The following FHL5 variants were observed in gnomAD, a reference collection of about 807,000 sequenced individuals.
FHL5 encodes the protein four and a half LIM domains protein 5.
In FHL5, 33 loss-of-function variants were observed where a neutral mutation model predicts 32.0. The ratio of observed to expected loss-of-function variants is 1.03; its 90% CI spans 0.78 to 1.38. FHL5 has a LOEUF of 1.38. Ranked by LOEUF, FHL5 falls within the 40% of genes most tolerant of loss-of-function variation. The pLI is 0.00. For missense variants in FHL5, 336 were observed against 343.9 expected (o/e 0.98, Z 0.18); for synonymous variants, 114 against 113.6 (o/e 1.00, Z -0.02).
At chr6:96,580,836 T>A (rs111662418) in intron 1 of FHL5, among the ~76,000 whole-genome samples, 75 of 152,210 alleles carry the variant, frequency 4.9e-4, no homozygotes, top group African/African-American at 1.8e-3. Context: ...ATAGATTTTT[T>A]AAAACTGCTT....
intron 5 of FHL5, among the ~76,000 whole-genome samples, chr6:96,613,899 AT>A (rs1349759199): frequency 6.6e-6 from 1 of 152,208 alleles, no homozygotes; most frequent in Non-Finnish European, 1.5e-5. Flanking sequence ...AGGACTTAGA[AT>A]AGTAATTGGC....
Position 96,606,048 on chromosome 6 carries a change from C to A in FHL5, c.481C>A (p.His161Asn). 6.2e-7 allele frequency: 1 copy of A among 1,613,964 alleles called. No individual in the cohort carries two copies. Among genetic ancestry groups the A allele is most frequent in the Non-Finnish European group, 8.5e-7 (1 of 1,179,886 alleles). ...GCCATGTTTTGAGAAGGAGTTTGCTCACTACTGCAACTTTTGTAAGAAGGT... is the reference window on the plus strand; with the variant it reads ...GCCATGTTTTGAGAAGGAGTTTGCTAACTACTGCAACTTTTGTAAGAAGGT... ...CVPCFEKEFA[H>N]YCNFCKKVIT... The change falls in exon 4 of 6, where the codon CAC (histidine) becomes AAC (asparagine). Residue 161 changes from histidine to asparagine, a missense_variant. Physicochemically the swap from His to Asn is moderately conservative, Grantham distance 68 (BLOSUM62 1). Transcript: ENST00000450218.
At position 96,603,676 on chromosome 6, in the gene FHL5, A is replaced by G. The variant is rs1283668437; in HGVS notation, c.63A>G (p.Val21=). 2 of 1,612,770 alleles carry G rather than the reference A, an allele frequency of 1.2e-6. No homozygotes were observed. The highest frequency in any genetic ancestry group is 1.7e-6 in the Non-Finnish European group (2 of 1,179,114). ...CTASLLGKKY[V]LKDDSPYCVT... ...CATCACTTCTTGGGAAGAAATATGT[A>G]CTAAAGGATGACAGTCCATACTGTG... The change falls in exon 2 of 6, where the codon GTA becomes GTG. Residue 21 remains valine, a synonymous_variant. Transcript: ENST00000450218.
intron 1 of FHL5, among the ~76,000 whole-genome samples, chr6:96,585,895 A>G (rs1422507038): frequency 2.0e-5 from 3 of 152,240 alleles, no homozygotes; most frequent in Admixed American, 6.5e-5. Flanking sequence ...TAAGACACAT[A>G]TAAGTAGCGT....
At chr6:96,604,039 C>A (rs1339633201) in intron 2 of FHL5, among the ~76,000 whole-genome samples, 2 of 152,170 alleles carry the variant, frequency 1.3e-5, no homozygotes, top group Non-Finnish European at 2.9e-5. Context: ...AGTTACACAG[C>A]TAGAATTTTC....
In FHL5 at chr6:96,618,509, TG is replaced by T. The variant is rs1562069246; in HGVS notation, c.*2738del. Among the ~76,000 whole-genome samples the T allele has an allele frequency of 6.6e-6, 1 of 152,200 alleles. No individual in the cohort carries two copies. Among genetic ancestry groups the T allele is most frequent in the East Asian group, 1.9e-4 (1 of 5,200 alleles). ...TAAAGGAAGAAAATAATTATTGTAG[TG>T]TTTGAGGAAAATTATGCTTTTGATC... On this transcript the variant is annotated 3_prime_UTR_variant, in exon 6 of 6. Coordinates refer to ENST00000450218, the MANE Select transcript of FHL5 (RefSeq NM_001322466.2).
chr6:96,617,789 A>G lies in FHL5; in HGVS notation c.*2017A>G, dbSNP rs1771552902. ...GGCATTTTACTGTGTGGGGGCAGTG[A>G]GTATGCACATGATCAGACTTGTATT... is the stretch of plus-strand genomic sequence containing the variant. On this transcript the variant is annotated 3_prime_UTR_variant, in exon 6 of 6. Coordinates refer to ENST00000450218, the MANE Select transcript of FHL5 (RefSeq NM_001322466.2). Among the ~76,000 whole-genome samples, 1 of 152,208 alleles carries G rather than the reference A, an allele frequency of 6.6e-6. No individual in the cohort carries two copies. Among genetic ancestry groups the G allele is most frequent in the Non-Finnish European group, 1.5e-5 (1 of 68,022 alleles).
chr6:96,580,168 C>T (rs1368463472), intron 1 of FHL5, among the ~76,000 whole-genome samples: 4 of 152,150 alleles, frequency 2.6e-5, no homozygotes, highest in African/African-American at 9.7e-5. Flanking sequence ...TGATGTCTCC[C>T]AAAAGAAAGT....
chr6:96,592,836 T>C (rs1413402487), intron 1 of FHL5, among the ~76,000 whole-genome samples: 1 of 152,166 alleles, frequency 6.6e-6, no homozygotes, highest in Admixed American at 6.6e-5. Context: ...GTTATTTGTC[T>C]TTCGTTTTTA....
intron 1 of FHL5, among the ~76,000 whole-genome samples, chr6:96,585,065 C>T (rs575900789): frequency 6.6e-6 from 1 of 152,140 alleles, no homozygotes; most frequent in Admixed American, 6.6e-5. Flanking sequence ...CACCTTTTGC[C>T]CTTAAGAGCA....
At chr6:96,563,678 A>G (rs1770294809) in intron 1 of FHL5, among the ~76,000 whole-genome samples, 1 of 152,158 alleles carries the variant, frequency 6.6e-6, no homozygotes, top group Non-Finnish European at 1.5e-5. Flanking sequence ...TGTTGTAAAA[A>G]GAGGAAGAAG....
At chr6:96,610,274 T>C (rs9386663) in intron 4 of FHL5, among the ~76,000 whole-genome samples, 16,678 of 152,156 alleles carry the variant, frequency 0.11, 952 homozygotes, top group East Asian at 0.25. Flanking sequence ...TTCTATTTCA[T>C]TGTAGGAGAA....
chr6:96,602,023 C>A (rs3906199), intron 1 of FHL5, among the ~76,000 whole-genome samples: 24,192 of 152,134 alleles, frequency 0.16, 2,073 homozygotes, highest in Middle Eastern at 0.26. Context: ...CCACATATTC[C>A]AAATCCTCTG....
intron 1 of FHL5, among the ~76,000 whole-genome samples, chr6:96,597,365 CA>C (rs200483997): frequency 0.031 from 3,973 of 126,768 alleles, 57 homozygotes; most frequent in Non-Finnish European, 0.035. Context: ...TCCCCTCCAA[CA>C]CAAAAAAAAT....
chr6:96,598,653 G>A (rs1582473588), intron 1 of FHL5, among the ~76,000 whole-genome samples: 1 of 152,022 alleles, frequency 6.6e-6, no homozygotes, highest in South Asian at 2.1e-4. Flanking sequence ...TTGAGGCAGG[G>A]GTGCACCTTG....
At chr6:96,599,850 C>G (rs879465672) in intron 1 of FHL5, among the ~76,000 whole-genome samples, 6 of 152,198 alleles carry the variant, frequency 3.9e-5, no homozygotes, top group Non-Finnish European at 8.8e-5. Flanking sequence ...GTTCTTACAG[C>G]TCATAAATAA....
At chr6:96,565,758 T>A (rs1468389174) in intron 1 of FHL5, among the ~76,000 whole-genome samples, 1 of 152,182 alleles carries the variant, frequency 6.6e-6, no homozygotes, top group Non-Finnish European at 1.5e-5. Context: ...TCCAGCTTGA[T>A]TTTGTTTAAC....
At chr6:96,571,667 G>T (rs1770481817) in intron 1 of FHL5, among the ~76,000 whole-genome samples, 1 of 152,124 alleles carries the variant, frequency 6.6e-6, no homozygotes, top group Non-Finnish European at 1.5e-5. Flanking sequence ...CCAGGTTGTA[G>T]CTGTGATTCT....
At chr6:96,606,975 G>A (rs117743994) in intron 4 of FHL5, among the ~76,000 whole-genome samples, 2,669 of 152,158 alleles carry the variant, frequency 0.018, 46 homozygotes, top group Middle Eastern at 0.031. Context: ...AGAGCAGCAA[G>A]TTCCTTCACT....
Sources: gnomAD v4.1 joint callset for allele counts (sites outside exome capture counted in the v4.1 genomes callset) on GRCh38, gnomAD v4.1.1 for gene constraint, MANE v1.5 for transcripts, NCBI Gene and HGNC (gene_info 2026-07-23, HGNC 2026-07-21) for gene names.